The following PLA2G4A variants were observed in gnomAD, a reference collection of about 807,000 sequenced individuals.
The protein encoded by PLA2G4A is cytosolic phospholipase A2.
PLA2G4A carries 40 observed loss-of-function variants against 81.9 expected under a neutral mutation model. That is an observed-to-expected ratio of 0.49 (90% CI 0.38 to 0.64). The LOEUF is 0.64. PLA2G4A is among the 30% of genes least tolerant of loss of function. The pLI, the probability that PLA2G4A is intolerant of heterozygous loss-of-function variation, is 0.00. For missense variants in PLA2G4A, 715 were observed against 905.1 expected (o/e 0.79, Z 2.69); for synonymous variants, 302 against 296.9 (o/e 1.02, Z -0.18).
intron 14 of PLA2G4A, among the ~76,000 whole-genome samples, chr1:186,961,213 G>A (rs1405790154): frequency 2.6e-5 from 4 of 152,054 alleles, no homozygotes; most frequent in African/African-American, 9.7e-5. Flanking sequence ...AGAAAGAGGC[G>A]ACCTTGCTCA....
chr1:186,861,605 G>T (rs1652805760), intron 2 of PLA2G4A, among the ~76,000 whole-genome samples: 1 of 152,158 alleles, frequency 6.6e-6, no homozygotes, highest in African/African-American at 2.4e-5. Context: ...TTCACAGTCA[G>T]TCAGTAGTGC....
At chr1:186,974,030 G>A (rs996333382) in intron 15 of PLA2G4A, among the ~76,000 whole-genome samples, 2 of 151,498 alleles carry the variant, frequency 1.3e-5, no homozygotes, top group African/African-American at 4.9e-5. Context: ...CTAATGACAA[G>A]TCAATTTATT....
chr1:186,886,381 G>C (rs1318690614), intron 3 of PLA2G4A, among the ~76,000 whole-genome samples: 1 of 152,072 alleles, frequency 6.6e-6, no homozygotes, highest in African/African-American at 2.4e-5. Context: ...GTTACACAGG[G>C]AAAAAGACTG....
chr1:186,846,322 T>C (rs1652173482), intron 1 of PLA2G4A, among the ~76,000 whole-genome samples: 1 of 152,214 alleles, frequency 6.6e-6, no homozygotes, highest in South Asian at 2.1e-4. Flanking sequence ...AAGGAAGTGA[T>C]TCTATTTCAG....
At chr1:186,903,819 T>C (rs1654633865) in intron 5 of PLA2G4A, among the ~76,000 whole-genome samples, 1 of 152,194 alleles carries the variant, frequency 6.6e-6, no homozygotes, top group African/African-American at 2.4e-5. Context: ...ATAAATAAAG[T>C]GCACAATAAA....
At chr1:186,879,732 TTTACA>T (rs1429697633) in intron 3 of PLA2G4A, among the ~76,000 whole-genome samples, 1 of 151,892 alleles carries the variant, frequency 6.6e-6, no homozygotes, top group East Asian at 1.9e-4. Context: ...TTCTTAGGAC[TTTACA>T]TTATACATAC....
intron 2 of PLA2G4A, among the ~76,000 whole-genome samples, chr1:186,859,745 A>T (rs1054275664): frequency 1.3e-5 from 2 of 152,188 alleles, no homozygotes; most frequent in Non-Finnish European, 2.9e-5. Context: ...AAGTAATCAA[A>T]GAACTAGTGT....
intron 2 of PLA2G4A, among the ~76,000 whole-genome samples, chr1:186,862,058 T>C (rs1212968042): frequency 6.6e-6 from 1 of 150,732 alleles, no homozygotes; most frequent in Non-Finnish European, 1.5e-5. Flanking sequence ...AACTTTACTT[T>C]TCAATTTTCA....
intron 17 of PLA2G4A, among the ~76,000 whole-genome samples, chr1:186,983,404 C>A (rs1657792848): frequency 6.6e-6 from 1 of 152,196 alleles, no homozygotes; most frequent in Admixed American, 6.5e-5. Context: ...TGGCTTAGGG[C>A]AACGTTTCCT....
chr1:186,882,610 G>C (rs149936118), intron 3 of PLA2G4A, among the ~76,000 whole-genome samples: 1 of 152,050 alleles, frequency 6.6e-6, no homozygotes, highest in Non-Finnish European at 1.5e-5. Context: ...TGGGTTTGAT[G>C]GGGGGTTGGG....
chr1:186,934,526 A>T (rs1655872892), intron 8 of PLA2G4A, among the ~76,000 whole-genome samples: 1 of 149,886 alleles, frequency 6.7e-6, no homozygotes. Flanking sequence ...ATACAGAGAG[A>T]TTAATTAAAA....
chr1:186,925,386 C>T (rs1289379156), intron 7 of PLA2G4A, among the ~76,000 whole-genome samples: 1 of 152,164 alleles, frequency 6.6e-6, no homozygotes, highest in East Asian at 1.9e-4. Flanking sequence ...AAACCTATTT[C>T]TATCCATCCC....
At chr1:186,979,974 G>A (rs1657664090) in intron 17 of PLA2G4A, among the ~76,000 whole-genome samples, 1 of 127,862 alleles carries the variant, frequency 7.8e-6, no homozygotes, top group Non-Finnish European at 1.6e-5. Flanking sequence ...TTGAGATGGA[G>A]TCTCGCTCTG....
intron 10 of PLA2G4A, among the ~76,000 whole-genome samples, chr1:186,942,118 G>C (rs1656175025): frequency 1.3e-5 from 2 of 152,154 alleles, no homozygotes; most frequent in South Asian, 2.1e-4. Flanking sequence ...ATGTAGCAGG[G>C]TCAGGGATAA....
At chr1:186,913,560 ATTAT>A (rs1655038664) in intron 7 of PLA2G4A, among the ~76,000 whole-genome samples, 1 of 152,132 alleles carries the variant, frequency 6.6e-6, no homozygotes, top group South Asian at 2.1e-4. Context: ...GTATCAGGTA[ATTAT>A]TTACTTATTT....
At chr1:186,847,423 C>T (rs950162727) in intron 1 of PLA2G4A, among the ~76,000 whole-genome samples, 11 of 150,758 alleles carry the variant, frequency 7.3e-5, no homozygotes, top group African/African-American at 2.7e-4. Flanking sequence ...CCGGTTTTGT[C>T]AATGTGTTTG....
intron 3 of PLA2G4A, among the ~76,000 whole-genome samples, chr1:186,891,111 T>TA (rs201184301): frequency 2.2e-4 from 34 of 151,990 alleles, no homozygotes; most frequent in Admixed American, 1.2e-3. Context: ...ATCTTTTTTT[T>TA]AAAAAAAAGT....
chr1:186,977,263 A>C (rs1295737483), intron 15 of PLA2G4A, among the ~76,000 whole-genome samples: 1 of 152,180 alleles, frequency 6.6e-6, no homozygotes, highest in Admixed American at 6.5e-5. Context: ...GGTTAAAAAA[A>C]CTTTCACATG....
intron 10 of PLA2G4A, among the ~76,000 whole-genome samples, chr1:186,942,658 A>G (rs1054628979): frequency 6.6e-6 from 1 of 152,188 alleles, no homozygotes; most frequent in African/African-American, 2.4e-5. Flanking sequence ...TTTTTAGTCA[A>G]TAGCCATTTT....
Sources: allele counts gnomAD v4.1 joint callset (sites outside exome capture counted in the v4.1 genomes callset), GRCh38; gene constraint gnomAD v4.1.1; transcripts MANE v1.5; gene names NCBI Gene and HGNC (gene_info 2026-07-23, HGNC 2026-07-21).